Variants in FLNC observed in about 807,000 individuals in gnomAD.
FLNC encodes filamin-C.
A neutral mutation model predicts 254.3 loss-of-function variants in FLNC; 91 were observed. That is an observed-to-expected ratio of 0.36 (90% CI 0.30 to 0.43). The LOEUF (loss-of-function observed/expected upper bound fraction) is 0.43, where lower values mean the gene tolerates loss of function less well. FLNC is among the 20% of genes least tolerant of loss of function. The pLI, the probability that FLNC is intolerant of heterozygous loss-of-function variation, is 1.00. For missense variants in FLNC, 2,853 were observed against 3,802.6 expected, an observed-to-expected ratio of 0.75 and a Z score of 6.57; for synonymous variants, 1,430 against 1,577.2, an observed-to-expected ratio of 0.91 and a Z score of 2.21.
intron 1 of FLNC, among the ~76,000 whole-genome samples, chr7:128,832,767 G>A (rs539854580): frequency 6.6e-6 from 1 of 152,346 alleles, no homozygotes; most frequent in African/African-American, 2.4e-5. Context: ...GATGAGATAA[G>A]CTGTCAGCAA....
At chr7:128,834,257 A>C (rs1808003886) in intron 1 of FLNC, among the ~76,000 whole-genome samples, 1 of 151,078 alleles carries the variant, frequency 6.6e-6, no homozygotes, top group South Asian at 2.1e-4. Context: ...TCTACATGCT[A>C]GGCCACCCCA....
chr7:128,850,882 T>C lies in FLNC; in HGVS notation c.5478T>C (p.Tyr1826=), dbSNP rs371167779. 2 of 1,611,970 alleles carry C rather than the reference T, an allele frequency of 1.2e-6. No homozygotes were observed. The highest frequency in any genetic ancestry group is 2.7e-5 in the African/African-American group (2 of 74,226). ...DNKDGTITVR[Y]APTEKGLHQM... Reference sequence around the variant, plus strand: ...AGGACGGCACCATCACGGTGAGGTATGCACCCACTGAGAAAGGCCTGCACC... The same window carrying C: ...AGGACGGCACCATCACGGTGAGGTACGCACCCACTGAGAAAGGCCTGCACC... Residue 1826 remains tyrosine (Y), a synonymous_variant, in exon 33 of 48, where the codon TAT becomes TAC. Coordinates refer to ENST00000325888, the MANE Select transcript of FLNC (RefSeq NM_001458.5).
At position 128,855,021 on chromosome 7, in the gene FLNC, G is replaced by A. The variant is rs1473712288; in HGVS notation, c.7135+109G>A. The A allele has an allele frequency of 3.6e-5, 46 of 1,270,336 alleles. No homozygotes were observed. The South Asian group carries it at 5.2e-4, about 14-fold the overall frequency. 78.7% of individuals were successfully genotyped at this position (1,270,336 alleles called of 1,614,324 possible). ...TGGGGCCACAGAACTCCCCTCCCCG[G>A]AGCCCCCTGCTCTTCCTCTGCCCCG... On this transcript the variant is annotated intron_variant, in intron 42 of 47. Transcript: ENST00000325888.
intron 26 of FLNC, among the ~76,000 whole-genome samples, chr7:128,848,290 A>G (rs146325767): frequency 6.6e-6 from 1 of 152,238 alleles, no homozygotes; most frequent in Non-Finnish European, 1.5e-5. Flanking sequence ...GGAAGAGTGC[A>G]GGAGGCCTGG....
chr7:128,833,927 G>A (rs1807991505), intron 1 of FLNC, among the ~76,000 whole-genome samples: 1 of 152,194 alleles, frequency 6.6e-6, no homozygotes, highest in Non-Finnish European at 1.5e-5. Flanking sequence ...GGGTGGGGGA[G>A]CCCAGGCGGC....
At position 128,856,466 on chromosome 7, in the gene FLNC, T is replaced by C. The variant is rs1809062085; in HGVS notation, c.7252-52T>C. The C allele has an allele frequency of 6.2e-7, 1 of 1,602,776 alleles. No individual in the cohort carries two copies. Among genetic ancestry groups the C allele is most frequent in the Non-Finnish European group, 8.5e-7 (1 of 1,178,908 alleles). On this transcript the variant is annotated intron_variant, in intron 43 of 47. Transcript: ENST00000325888. This position sits in a 1 kb window ranked among gnomAD's most constrained non-coding sequence, Gnocchi z 5.9. Reference sequence around the variant, plus strand: ...CACCGTGTGGGGCTTCAGAGAAGACTGCTCCAGCCCCGGCCTCCCAGGAGT... The same window carrying C: ...CACCGTGTGGGGCTTCAGAGAAGACCGCTCCAGCCCCGGCCTCCCAGGAGT...
chr7:128,834,699 T>C (rs955565594), intron 1 of FLNC, among the ~76,000 whole-genome samples: 1 of 151,968 alleles, frequency 6.6e-6, no homozygotes, highest in African/African-American at 2.4e-5. Flanking sequence ...AAAGAGAGTA[T>C]ATACTGTGTG....
At position 128,848,954 on chromosome 7, in the gene FLNC, T is replaced by C. The variant is rs1271183765; in HGVS notation, c.4899T>C (p.Thr1633=). The C allele has an allele frequency of 1.2e-6, 2 of 1,612,622 alleles. No homozygotes were observed. Among genetic ancestry groups the C allele is most frequent in the Non-Finnish European group, 1.7e-6 (2 of 1,179,318 alleles). The change falls in exon 28 of 48, where the codon ACT becomes ACC. Residue 1633 remains threonine (T), a synonymous_variant. Transcript: ENST00000325888. ...CCTTCCGCATCCATGCTCTGCCCAC[T>C]GGGGATGCCAGCAAGTGCCTCGTCA... ...YSPFRIHALP[T]GDASKCLVTV...
chr7:128,847,236 C>G (rs1284506855), intron 24 of FLNC, among the ~76,000 whole-genome samples: 1 of 152,246 alleles, frequency 6.6e-6, no homozygotes, highest in Non-Finnish European at 1.5e-5. Flanking sequence ...CTCAGGCCAG[C>G]CTTGGGCCTT....
Position 128,842,477 on chromosome 7 carries a change from AG to A in FLNC, c.2266-96del. On this transcript the variant is annotated intron_variant, in intron 14 of 47. Transcript: ENST00000325888. This position sits in a 1 kb window ranked among gnomAD's most constrained non-coding sequence, Gnocchi z 5.4. ...TGTCCCTGGGCTCAGGCTGGGACTG[AG>A]GCTTGGGCTGGTGCCACTGAGGCTG... 2.5e-6 allele frequency: 4 copies of A among 1,584,758 alleles called. No homozygotes were observed. The South Asian group carries it at 3.4e-5, about 13-fold the overall frequency.
chr7:128,841,302 T>A lies in FLNC; in HGVS notation c.1946T>A (p.Ile649Asn), dbSNP rs760181845. 1 of 1,614,014 alleles carries A rather than the reference T, an allele frequency of 6.2e-7. No individual in the cohort carries two copies. The highest frequency in any genetic ancestry group is 8.5e-7 in the Non-Finnish European group (1 of 1,179,996). The change falls in exon 12 of 48, where the codon ATC (isoleucine) becomes AAC (asparagine). Residue 649 changes from isoleucine (I) to asparagine (N), a missense_variant. Physicochemically the swap from Ile to Asn is moderately radical, Grantham distance 149. Transcript: ENST00000325888. The surrounding 1 kb of genome is among the most constrained non-coding windows in gnomAD (Gnocchi z 4.3). ...AVHVICDDEDIRDSPFIAHIL... is the reference protein window; with the variant it reads ...AVHVICDDEDNRDSPFIAHIL... ...CACGTCATCTGTGACGATGAGGACA[T>A]CCGAGACTCACCCTTCATTGCCCAC...
Position 128,838,252 on chromosome 7 carries a change from A to T in FLNC, c.1048-15A>T. ...GCTCTCCCCTAGAAGCTAACCTTTG[A>T]CCTCTGACCCCTAGGTGACCGTGCT... On this transcript the variant is annotated splice_polypyrimidine_tract_variant and intron_variant, in intron 6 of 47. Transcript: ENST00000325888. 6.2e-7 allele frequency: 1 copy of T among 1,613,268 alleles called. No individual in the cohort carries two copies. Among genetic ancestry groups the T allele is most frequent in the Non-Finnish European group, 8.5e-7 (1 of 1,179,530 alleles).
rs776903870 is a variant in FLNC at position 128,858,423 on chromosome 7, A to G, written c.8078A>G (p.Asn2693Ser). The G allele has an allele frequency of 1.2e-6, 2 of 1,610,108 alleles. No homozygotes were observed. The highest frequency in any genetic ancestry group is 2.2e-5 in the East Asian group (1 of 44,832). ...YVKHMGNRVYNVTYTVKEKGD... is the reference protein window; with the variant it reads ...YVKHMGNRVYSVTYTVKEKGD... ...AAGCACATGGGGAACCGGGTGTACA[A>G]TGTCACCTACACTGTCAAGGAGAAA... The change falls in exon 48 of 48, where the codon AAT (asparagine) becomes AGT (serine). Residue 2693 changes from asparagine to serine, a missense_variant. Physicochemically the swap from Asn to Ser is conservative, Grantham distance 46 (BLOSUM62 1). Coordinates refer to ENST00000325888, the MANE Select transcript of FLNC (RefSeq NM_001458.5). This position sits in a 1 kb window ranked among gnomAD's most constrained non-coding sequence, Gnocchi z 6.7.
chr7:128,846,945 G>C (rs758276258), intron 24 of FLNC, 40 bp downstream of exon 24: 1 of 1,610,436 alleles, frequency 6.2e-7, no homozygotes, highest in Admixed American at 1.7e-5. Context: ...GGAAGACAAG[G>C]GAGGGTGCAG....
intron 30 of FLNC, 71 bp downstream of exon 30, chr7:128,849,649 A>G: frequency 1.3e-6 from 2 of 1,572,538 alleles, no homozygotes; most frequent in Admixed American, 3.4e-5. Context: ...AGCAGCAGGG[A>G]TCCCAGATAA....
At position 128,840,815 on chromosome 7, in the gene FLNC, C is replaced by T. The variant is rs746100773; in HGVS notation, c.1677-19C>T. The T allele has an allele frequency of 1.9e-6, 3 of 1,613,426 alleles. No individual in the cohort carries two copies. Among genetic ancestry groups the T allele is most frequent in the Non-Finnish European group, 2.5e-6 (3 of 1,179,848 alleles). On this transcript the variant is annotated intron_variant, in intron 10 of 47. Transcript: ENST00000325888. ...GGGGGGCACTTCCTGGCATGGACAC[C>T]AGCTCCCTCTCTGCCCAGCCCCTTT...
At position 128,836,865 on chromosome 7, in the gene FLNC, T is replaced by G; in HGVS notation, c.602-295T>G. ...GGGGGTACCCTCCCAGGGTTTGGGG[T>G]TCAAGGTCTGAGCTGGGGCCTGGGC... On this transcript the variant is annotated intron_variant, in intron 2 of 47. Coordinates refer to ENST00000325888, the MANE Select transcript of FLNC (RefSeq NM_001458.5). The surrounding 1 kb of genome is among the most constrained non-coding windows in gnomAD (Gnocchi z 6.0). Among the ~76,000 whole-genome samples the G allele has an allele frequency of 6.6e-6, 1 of 151,552 alleles. No homozygotes were observed. The highest frequency in any genetic ancestry group is 1.9e-4 in the East Asian group (1 of 5,148).
chr7:128,834,160 C>T (rs529106438), intron 1 of FLNC, among the ~76,000 whole-genome samples: 18 of 152,376 alleles, frequency 1.2e-4, no homozygotes, highest in African/African-American at 4.3e-4. Flanking sequence ...CCACCCCCTT[C>T]CAGCCTCCTG....
At chr7:128,831,663 C>G (rs1174402723) in intron 1 of FLNC, among the ~76,000 whole-genome samples, 1 of 152,216 alleles carries the variant, frequency 6.6e-6, no homozygotes, top group Non-Finnish European at 1.5e-5. Flanking sequence ...GAGGGGGCTT[C>G]CGCAAGTCCA....
Sources: gnomAD v4.1 joint callset for allele counts (sites outside exome capture counted in the v4.1 genomes callset) on GRCh38, gnomAD v4.1.1 for gene constraint, Gnocchi (gnomAD v3.1) non-coding constraint, MANE v1.5 for transcripts, NCBI Gene and HGNC (gene_info 2026-07-23, HGNC 2026-07-21) for gene names.